Variants in ZNF75D observed in about 807,000 individuals in gnomAD.
ZNF75D encodes zinc finger protein 75D, also known as zinc finger protein 75.
A neutral mutation model predicts 33.3 loss-of-function variants in ZNF75D; 33 were observed. The ratio of observed to expected loss-of-function variants is 0.99; its 90% CI spans 0.75 to 1.32. The LOEUF (loss-of-function observed/expected upper bound fraction) is 1.32, where lower values mean the gene tolerates loss of function less well. Among genes scored for constraint, ZNF75D ranks in the 40% most tolerant of loss-of-function variants. ZNF75D has a pLI of 0.00. For synonymous variants in ZNF75D, 113 were observed against 130.6 expected (o/e 0.87, Z 0.92); for missense variants, 338 against 367.5 (o/e 0.92, Z 0.66).
chrX:135,307,940 T>A (rs1261841340), intron 1 of ZNF75D, among the ~76,000 whole-genome samples: 2 of 112,748 alleles, frequency 1.8e-5, no homozygotes, highest in African/African-American at 6.4e-5. Flanking sequence ...CCTGGCAAGA[T>A]GCAGTGGGTG....
chrX:135,268,478 A>C (rs781791755), intron 1 of ZNF75D, among the ~76,000 whole-genome samples: 77 of 110,474 alleles, frequency 7.0e-4, no homozygotes, highest in African/African-American at 2.5e-3. Context: ...AATATGAAGA[A>C]GTCAATAATT....
chrX:135,294,845 G>A (rs975773373), intron 2 of ZNF75D, among the ~76,000 whole-genome samples: 24 of 111,700 alleles, frequency 2.1e-4, no homozygotes, highest in African/African-American at 7.5e-4. Flanking sequence ...GAAAAAGTAA[G>A]CAAATGCCCT....
chrX:135,321,186 A>G (rs782050592), intron 1 of ZNF75D, among the ~76,000 whole-genome samples: 2 of 110,518 alleles, frequency 1.8e-5, no homozygotes, highest in East Asian at 5.7e-4. Context: ...CCACTCCTGC[A>G]AGCCCTTTTA....
At chrX:135,257,262 C>T (rs537053323) in intron 1 of ZNF75D, among the ~76,000 whole-genome samples, 211 of 112,317 alleles carry the variant, frequency 1.9e-3, no homozygotes, top group South Asian at 0.011. Flanking sequence ...TTTCTGGACC[C>T]GCCCTGGGCC....
At position 135,263,332 on chromosome X, in the gene ZNF75D, AC is replaced by A. The variant is rs59568837; in HGVS notation, n.828-7556del. Among the ~76,000 whole-genome samples, 219 of 112,530 alleles carry A rather than the reference AC, an allele frequency of 1.9e-3. 1 individual carries two copies. The highest frequency in any genetic ancestry group is 3.0e-3 in the Non-Finnish European group (159 of 53,195). On this transcript the variant is annotated intron_variant and non_coding_transcript_variant, in intron 1 of 3. Coordinates refer to the ZNF75D transcript ENST00000494295. ...AGAGCTCAAACACTGTGCTGGGAGA[AC>A]CACTGCTCTCCTCAGAGCTGTCAGA...
intron 1 of ZNF75D, among the ~76,000 whole-genome samples, chrX:135,320,977 G>A (rs2084488388): frequency 9.0e-6 from 1 of 111,560 alleles, no homozygotes; most frequent in Non-Finnish European, 1.9e-5. Context: ...TGCTATAACA[G>A]ATTATCACAG....
downstream of ZNF75D, among the ~76,000 whole-genome samples, chrX:135,283,403 C>T (rs1219784597): frequency 1.8e-5 from 2 of 111,780 alleles, no homozygotes; most frequent in Non-Finnish European, 3.8e-5. Context: ...TTGTAGGTAG[C>T]CCCCTCCTTT....
intron 1 of ZNF75D, among the ~76,000 whole-genome samples, chrX:135,299,590 TGGTGTCC>T (rs2084185115): frequency 8.9e-6 from 1 of 112,353 alleles, no homozygotes; most frequent in South Asian, 3.6e-4. Flanking sequence ...ACATTCTTGA[TGGTGTCC>T]TCTGCTGCAC....
intron 1 of ZNF75D, among the ~76,000 whole-genome samples, chrX:135,275,567 G>T (rs2083896691): frequency 9.0e-6 from 1 of 110,669 alleles, no homozygotes; most frequent in Non-Finnish European, 1.9e-5. Flanking sequence ...CTGTTTATTT[G>T]TTTTTGTTTC....
In ZNF75D at chrX:135,335,432, C is replaced by G. The variant is rs892759314; in HGVS notation, c.-391+6336G>C. On this transcript the variant is annotated intron_variant, in intron 1 of 6. Coordinates refer to ENST00000370766, the MANE Select transcript of ZNF75D (RefSeq NM_007131.5). ...CTTACCTAATGCCTCCCTGAAGTTG[C>G]CTTCTCACTCCCCTTCTGCCCCTCT... 3.6e-5 allele frequency among the ~76,000 whole-genome samples: 4 copies of G among 111,148 alleles called. No individual in the cohort carries two copies. In the Admixed American group the frequency reaches 3.8e-4, roughly 11 times the overall value.
chrX:135,280,458 C>A (rs1189457338), intron 1 of ZNF75D, among the ~76,000 whole-genome samples: 2 of 111,832 alleles, frequency 1.8e-5, no homozygotes, highest in African/African-American at 6.5e-5. Context: ...CACTCTCTGT[C>A]TTTTAATTGG....
intron 1 of ZNF75D, among the ~76,000 whole-genome samples, chrX:135,318,113 C>T (rs1266962782): frequency 3.0e-5 from 3 of 100,085 alleles, no homozygotes; most frequent in African/African-American, 1.1e-4. Context: ...TGCGTATTGA[C>T]AATGCAAGGG....
intron 1 of ZNF75D, chrX:135,327,757 G>T (rs2084599778): frequency 8.9e-6 from 1 of 111,802 alleles, no homozygotes; most frequent in African/African-American, 3.3e-5. Flanking sequence ...CATTTCCACA[G>T]GTCCACTGGG....
chrX:135,271,840 C>A (rs782736005), intron 1 of ZNF75D, among the ~76,000 whole-genome samples: 2 of 112,080 alleles, frequency 1.8e-5, no homozygotes, highest in African/African-American at 6.5e-5. Context: ...GCAAAGTGAA[C>A]CAGTAAGTCC....
At chrX:135,292,755 G>C (rs2084064863) in intron 3 of ZNF75D, among the ~76,000 whole-genome samples, 1 of 112,527 alleles carries the variant, frequency 8.9e-6, no homozygotes, top group Admixed American at 9.3e-5. Context: ...CAAGCCACTA[G>C]CAGAGTTGGG....
At chrX:135,292,699 G>A (rs1228458593) in intron 3 of ZNF75D, among the ~76,000 whole-genome samples, 4 of 111,986 alleles carry the variant, frequency 3.6e-5, no homozygotes, top group African/African-American at 6.5e-5. Flanking sequence ...GCAGATCCCC[G>A]CCCCCCAACC....
intron 1 of ZNF75D, among the ~76,000 whole-genome samples, chrX:135,299,819 CT>C: frequency 8.9e-6 from 1 of 111,859 alleles, no homozygotes; most frequent in Admixed American, 9.4e-5. Context: ...GGTACAACTT[CT>C]TTTTTTTGCA....
At chrX:135,335,360 T>A (rs1421006546) in intron 1 of ZNF75D, among the ~76,000 whole-genome samples, 1 of 111,121 alleles carries the variant, frequency 9.0e-6, no homozygotes, top group East Asian at 2.8e-4. Flanking sequence ...ATGCCCCTTC[T>A]CTGGGAGGCA....
In ZNF75D at chrX:135,257,789, A is replaced by G. The variant is rs142122427; in HGVS notation, n.828-2012T>C. The stretch of plus-strand genomic sequence containing the variant: ...AGGGGAGGTCTCCGCATGGCAATCC[A>G]AGGAATTCTTAGAGATCTTTTATTA... On this transcript the variant is annotated intron_variant and non_coding_transcript_variant, in intron 1 of 3. Transcript: ENST00000494295. Among the ~76,000 whole-genome samples the G allele has an allele frequency of 4.9e-3, 551 of 112,307 alleles. 4 individuals carry two copies. The highest frequency in any genetic ancestry group is 0.041 in the Middle Eastern group (9 of 217).
Sources: gnomAD v4.1 joint callset for allele counts (sites outside exome capture counted in the v4.1 genomes callset) on GRCh38, gnomAD v4.1.1 for gene constraint, MANE v1.5 for transcripts, NCBI Gene and HGNC (gene_info 2026-07-23, HGNC 2026-07-21) for gene names.